The following CDRT4 variants were observed in gnomAD, a reference collection of about 807,000 sequenced individuals.
CDRT4 encodes CMT1A duplicated region transcript 4.
For synonymous variants in CDRT4, 64 were observed against 69.6 expected (o/e 0.92, Z 0.40); for missense variants, 167 against 193.1 (o/e 0.87, Z 0.80).
At chr17:15,445,769 A>G (rs1978995897) in intron 2 of CDRT4, among the ~76,000 whole-genome samples, 2 of 152,174 alleles carry the variant, frequency 1.3e-5, no homozygotes, top group East Asian at 3.9e-4. Context: ...CACTCTGTTC[A>G]GCCTCTTTCT....
chr17:15,462,760 C>G (rs1217583084), intron 1 of CDRT4, among the ~76,000 whole-genome samples: 2 of 151,984 alleles, frequency 1.3e-5, no homozygotes, highest in East Asian at 3.9e-4. Context: ...TAGTGTAAAG[C>G]AAGTGTGTGA....
Position 15,464,467 on chromosome 17 carries a change from C to T in CDRT4, c.-130+2993G>A, listed in dbSNP as rs1453636745. On this transcript the variant is annotated intron_variant, in intron 1 of 3. Coordinates refer to ENST00000619038, the MANE Select transcript of CDRT4 (RefSeq NM_001204477.2). The surrounding 1 kb of genome is among the most constrained non-coding windows in gnomAD (Gnocchi z 4.5). ...TCGCTTCTTCCCTTCCCACCCCTTG[C>T]TAGTTGGAGCTGATTCCTGAGAGGC... is the stretch of plus-strand genomic sequence containing the variant. 2.0e-5 allele frequency among the ~76,000 whole-genome samples: 3 copies of T among 152,130 alleles called. No homozygotes were observed. The highest frequency in any genetic ancestry group is 3.8e-4 in the East Asian group (2 of 5,196).
At chr17:15,465,181 AAC>A (rs1183909648) in intron 1 of CDRT4, among the ~76,000 whole-genome samples, 3 of 129,678 alleles carry the variant, frequency 2.3e-5, no homozygotes, top group East Asian at 6.9e-4. Context: ...ACAGACACAC[AAC>A]ACACATACCA....
At chr17:15,447,386 A>G (rs577782173) in intron 2 of CDRT4, among the ~76,000 whole-genome samples, 23 of 152,224 alleles carry the variant, frequency 1.5e-4, no homozygotes, top group African/African-American at 5.5e-4. Flanking sequence ...AAAGGAAATG[A>G]TGGGCAGTGG....
intron 1 of CDRT4, among the ~76,000 whole-genome samples, chr17:15,459,326 G>A (rs1979632738): frequency 6.6e-6 from 1 of 152,048 alleles, no homozygotes; most frequent in Admixed American, 6.6e-5. Context: ...GCTCTGAGAA[G>A]GCCATTTGCA....
chr17:15,439,840 C>T (rs1488759093), intron 3 of CDRT4, among the ~76,000 whole-genome samples: 12 of 151,594 alleles, frequency 7.9e-5, no homozygotes. Context: ...ATCACAAGGA[C>T]AAAAAACCAA....
intron 1 of CDRT4, among the ~76,000 whole-genome samples, chr17:15,462,652 A>G (rs1382529148): frequency 6.6e-6 from 1 of 152,154 alleles, no homozygotes; most frequent in Non-Finnish European, 1.5e-5. Context: ...TCACACAAAC[A>G]TAATGCTGAG....
intron 2 of CDRT4, among the ~76,000 whole-genome samples, chr17:15,448,146 A>G (rs762330920): frequency 2.6e-5 from 4 of 152,192 alleles, no homozygotes; most frequent in South Asian, 2.1e-4. Context: ...CGCTCAATCA[A>G]TGGGCCAAGC....
At chr17:15,440,522 T>A (rs1978711178) in intron 2 of CDRT4, among the ~76,000 whole-genome samples, 1 of 151,948 alleles carries the variant, frequency 6.6e-6, no homozygotes. Flanking sequence ...AGTCTCTGGG[T>A]GTTCTGCTTT....
At chr17:15,438,382 T>C (rs1038394137) in intron 3 of CDRT4, among the ~76,000 whole-genome samples, 182 bp from the exon 4 acceptor site, 17 of 152,112 alleles carry the variant, frequency 1.1e-4, no homozygotes, top group African/African-American at 4.1e-4. Flanking sequence ...AGAAAGTCTA[T>C]CAATTAAACA....
rs1261177398 is a variant in CDRT4, at chr17:15,437,786, G to A, written c.446C>T (p.Thr149Ile). ...TCTCCTTGTTGGTCAGTAGCGAACT[G>A]TAGGGAGCATCCTCATCATAGGCTT... ...ARKPMMRMLP[T>I]VRY is the part of the protein sequence containing the mutation. The change falls in exon 4 of 4, where the codon ACA (threonine) becomes ATA (isoleucine). Residue 149 changes from threonine (T) to isoleucine (I), a missense_variant. Physicochemically the swap from Thr to Ile is moderately conservative, Grantham distance 89. Coordinates refer to ENST00000619038, the MANE Select transcript of CDRT4 (RefSeq NM_001204477.2). The A allele has an allele frequency of 2.5e-6, 4 of 1,614,066 alleles. No individual in the cohort carries two copies. The highest frequency in any genetic ancestry group is 1.1e-5 in the South Asian group (1 of 91,080).
intron 1 of CDRT4, among the ~76,000 whole-genome samples, chr17:15,465,712 A>G (rs1463619141): frequency 6.6e-6 from 1 of 152,140 alleles, no homozygotes. Flanking sequence ...TATCACAAAC[A>G]CGGAGACACA....
chr17:15,445,942 C>A (rs1979003879), intron 2 of CDRT4, among the ~76,000 whole-genome samples: 1 of 152,146 alleles, frequency 6.6e-6, no homozygotes, highest in South Asian at 2.1e-4. Context: ...ATTTTATCCT[C>A]TTTGACCTTC....
chr17:15,444,958 C>T (rs912260752), intron 2 of CDRT4, among the ~76,000 whole-genome samples: 2 of 152,116 alleles, frequency 1.3e-5, no homozygotes, highest in African/African-American at 2.4e-5. Context: ...AAACTGTGGC[C>T]GCCATGGGAC....
At chr17:15,457,639 A>G (rs1979545303) in intron 1 of CDRT4, among the ~76,000 whole-genome samples, 1 of 152,228 alleles carries the variant, frequency 6.6e-6, no homozygotes, top group African/African-American at 2.4e-5. Flanking sequence ...ACAGGAAAAC[A>G]TTGTTCAAAG....
chr17:15,460,050 A>C (rs1877470794), intron 1 of CDRT4, among the ~76,000 whole-genome samples: 1 of 152,088 alleles, frequency 6.6e-6, no homozygotes, highest in South Asian at 2.1e-4. Flanking sequence ...CCCAACTCCC[A>C]AAAGTGTGTT....
chr17:15,454,431 TG>T (rs1979394161), intron 1 of CDRT4, among the ~76,000 whole-genome samples: 1 of 152,092 alleles, frequency 6.6e-6, no homozygotes. Context: ...GTATAGTCAC[TG>T]GCATGAGAAA....
At chr17:15,460,580 G>A (rs1979700868) in intron 1 of CDRT4, among the ~76,000 whole-genome samples, 1 of 152,174 alleles carries the variant, frequency 6.6e-6, no homozygotes, top group Non-Finnish European at 1.5e-5. Flanking sequence ...TACAGTGGAA[G>A]CAGAATTCCA....
chr17:15,440,911 C>A (rs1309614050), intron 2 of CDRT4, among the ~76,000 whole-genome samples: 1 of 152,104 alleles, frequency 6.6e-6, no homozygotes, highest in African/African-American at 2.4e-5. Context: ...GCTGAGCCCA[C>A]CTCCAGAACT....
Sources: allele counts gnomAD v4.1 joint callset (sites outside exome capture counted in the v4.1 genomes callset), GRCh38; gene constraint gnomAD v4.1.1; non-coding constraint Gnocchi (gnomAD v3.1); transcripts MANE v1.5; gene names NCBI Gene and HGNC (gene_info 2026-07-23, HGNC 2026-07-21).